Variants in PCDHGA4 observed in about 807,000 individuals in gnomAD.
PCDHGA4 encodes the protein protocadherin gamma subfamily A, 4.
A neutral mutation model predicts 54.6 loss-of-function variants in PCDHGA4; 38 were observed. That is an observed-to-expected ratio of 0.70 (90% CI 0.54 to 0.91). The LOEUF is 0.91. Among genes scored for constraint, PCDHGA4 ranks in the 40% least tolerant of loss-of-function variants. The probability of loss-of-function intolerance (pLI) is 0.00; values close to 1 mark genes in which losing one functional copy is unlikely to be tolerated. For synonymous variants in PCDHGA4, 511 were observed against 512.9 expected, an observed-to-expected ratio of 1.00 and a Z score of 0.05; for missense variants, 1,298 against 1,220.9, an observed-to-expected ratio of 1.06 and a Z score of -0.94.
At position 141,365,464 on chromosome 5, in the gene PCDHGA4, A is replaced by C. The variant is rs1763932491; in HGVS notation, c.2514+7843A>C. Reference sequence around the variant, plus strand: ...GCGTACATGATGGTGATTCTGGAGAAAATGGTGAGATTGCATGCTCTATTC... The same window carrying C: ...GCGTACATGATGGTGATTCTGGAGACAATGGTGAGATTGCATGCTCTATTC... On this transcript the variant is annotated intron_variant, in intron 1 of 3. Coordinates refer to ENST00000571252, the MANE Select transcript of PCDHGA4 (RefSeq NM_018917.4). The C allele has an allele frequency of 1.9e-6, 3 of 1,614,072 alleles. No individual in the cohort carries two copies. In the East Asian group the frequency reaches 6.7e-5, roughly 36 times the overall value.
intron 1 of PCDHGA4, chr5:141,387,564 A>G: frequency 4.5e-6 from 2 of 442,524 alleles, no homozygotes; most frequent in Non-Finnish European, 8.0e-6. Context: ...TAGGCACACA[A>G]TTATAATTAT....
chr5:141,393,586 G>A lies in PCDHGA4; in HGVS notation c.2514+35965G>A, dbSNP rs1486061309. 2 of 1,613,922 alleles carry A rather than the reference G, an allele frequency of 1.2e-6. No individual in the cohort carries two copies. Among genetic ancestry groups the A allele is most frequent in the Admixed American group, 3.3e-5 (2 of 60,028 alleles). ...AAAGTCCTTGAGAACATGCCCCCAGGCACGCGGCTGCTTACTGTAACAGCC... is the reference window on the plus strand; with the variant it reads ...AAAGTCCTTGAGAACATGCCCCCAGACACGCGGCTGCTTACTGTAACAGCC... On this transcript the variant is annotated intron_variant, in intron 1 of 3. Transcript: ENST00000571252.
intron 1 of PCDHGA4, chr5:141,413,606 TA>T (rs778210256): frequency 6.8e-6 from 11 of 1,613,848 alleles, no homozygotes; most frequent in Admixed American, 5.0e-5. Context: ...AATCTAGACG[TA>T]AAAATTAATG....
chr5:141,466,450 G>A lies in PCDHGA4; in HGVS notation c.2515-28357G>A, dbSNP rs139024933. Reference sequence around the variant, plus strand: ...TAAGCTGAACCGAGATGTCTATGGTGTTGGCTATTGTTTCTGCTGTTAATT... The same window carrying A: ...TAAGCTGAACCGAGATGTCTATGGTATTGGCTATTGTTTCTGCTGTTAATT... On this transcript the variant is annotated intron_variant, in intron 1 of 3. Coordinates refer to ENST00000571252, the MANE Select transcript of PCDHGA4 (RefSeq NM_018917.4). Among the ~76,000 whole-genome samples, 714 of 152,290 alleles carry A rather than the reference G, an allele frequency of 4.7e-3. 2 individuals are homozygous for A. Among genetic ancestry groups the A allele is most frequent in the Non-Finnish European group, 7.0e-3 (479 of 68,028 alleles).
At chr5:141,389,387 C>T in intron 1 of PCDHGA4, 1 of 1,613,724 alleles carries the variant, frequency 6.2e-7, no homozygotes, top group Non-Finnish European at 8.5e-7. Context: ...AGCTGTCATC[C>T]TACGTGTCCA....
intron 1 of PCDHGA4, among the ~76,000 whole-genome samples, chr5:141,444,203 C>A (rs2098425806): frequency 1.3e-5 from 1 of 79,180 alleles, no homozygotes; most frequent in Admixed American, 2.0e-4. Context: ...TGGAGTTTCA[C>A]TCTTGTTGCC....
At chr5:141,466,296 A>G (rs2099120415) in intron 1 of PCDHGA4, among the ~76,000 whole-genome samples, 1 of 152,136 alleles carries the variant, frequency 6.6e-6, no homozygotes. Flanking sequence ...TCAGGCTCCC[A>G]AGTAGCTGGG....
At chr5:141,371,274 C>G in intron 1 of PCDHGA4, 1 of 1,613,982 alleles carries the variant, frequency 6.2e-7, no homozygotes, top group South Asian at 1.1e-5. Context: ...ACTGTTCAAG[C>G]TGGACAGTAA....
chr5:141,391,314 T>C (rs2092347404), intron 1 of PCDHGA4: 1 of 151,522 alleles, frequency 6.6e-6, no homozygotes, highest in Non-Finnish European at 1.5e-5. Flanking sequence ...TTCTTTTTTT[T>C]TTCTTTTTTT....
chr5:141,367,687 T>G (rs1765289006), intron 1 of PCDHGA4: 1 of 152,072 alleles, frequency 6.6e-6, no homozygotes, highest in African/African-American at 2.4e-5. Flanking sequence ...AGAGAAGAAA[T>G]CAGTGTAAAG....
intron 1 of PCDHGA4, among the ~76,000 whole-genome samples, chr5:141,461,756 C>T (rs887460069): frequency 6.6e-6 from 1 of 151,832 alleles, no homozygotes; most frequent in Non-Finnish European, 1.5e-5. Flanking sequence ...CAGATTCAAG[C>T]GATTCTCCTG....
At chr5:141,415,372 G>A in intron 1 of PCDHGA4, 1 of 1,614,252 alleles carries the variant, frequency 6.2e-7, no homozygotes, top group Non-Finnish European at 8.5e-7. Flanking sequence ...GCAGGCTTCA[G>A]GAGGCGGCTT....
chr5:141,398,189 T>A (rs926901002), intron 1 of PCDHGA4: 41 of 1,482,238 alleles, frequency 2.8e-5, no homozygotes, highest in Non-Finnish European at 3.5e-5. Context: ...TTTCTCTTCC[T>A]GCTGTCTTTG....
At chr5:141,501,198 G>C (rs2299024) in intron 2 of PCDHGA4, among the ~76,000 whole-genome samples, 89,086 of 151,686 alleles carry the variant, frequency 0.59, 27,759 homozygotes, top group African/African-American at 0.8. Context: ...TAAATTCAGG[G>C]TGTTGTCAGG....
At chr5:141,406,371 C>T (rs893677721) in intron 1 of PCDHGA4, among the ~76,000 whole-genome samples, 1 of 152,154 alleles carries the variant, frequency 6.6e-6, no homozygotes, top group African/African-American at 2.4e-5. Context: ...TAAGGGTAAA[C>T]TGATAAAAAG....
chr5:141,405,391 T>A, intron 1 of PCDHGA4: 1 of 1,595,892 alleles, frequency 6.3e-7, no homozygotes, highest in Non-Finnish European at 8.5e-7. Flanking sequence ...GTTCATTTTT[T>A]TTCTTTCTTT....
chr5:141,376,210 C>T lies in PCDHGA4; in HGVS notation c.2514+18589C>T, dbSNP rs112869528. On this transcript the variant is annotated intron_variant, in intron 1 of 3. Transcript: ENST00000571252. ...CCTGCGTCTTCCTGGCCTTCGTCAT[C>T]GTGCTGCTGGCGCTCAGACTGCAGC... is the stretch of plus-strand genomic sequence containing the variant. 4,829 of 1,614,162 alleles carry T rather than the reference C, an allele frequency of 3.0e-3. 128 individuals carry two copies. The African/African-American group carries it at 0.055, about 18-fold the overall frequency.
chr5:141,446,528 G>A (rs2098505974), intron 1 of PCDHGA4, among the ~76,000 whole-genome samples: 1 of 151,952 alleles, frequency 6.6e-6, no homozygotes, highest in South Asian at 2.1e-4. Flanking sequence ...CCAGGCTGGA[G>A]TGCAGTGGCC....
intron 1 of PCDHGA4, among the ~76,000 whole-genome samples, chr5:141,425,629 C>G (rs1297803997): frequency 1.3e-5 from 2 of 152,162 alleles, no homozygotes; most frequent in Admixed American, 1.3e-4. Flanking sequence ...CTCCAGTTTT[C>G]TCTGATAAAA....
Sources: allele counts gnomAD v4.1 joint callset (sites outside exome capture counted in the v4.1 genomes callset), GRCh38; gene constraint gnomAD v4.1.1; transcripts MANE v1.5; gene names NCBI Gene and HGNC (gene_info 2026-07-23, HGNC 2026-07-21).